ITPRIPL1: variants seen among roughly 807,000 people sequenced by gnomAD.
The protein encoded by ITPRIPL1 is inositol 1,4,5-trisphosphate receptor-interacting protein-like 1.
A neutral mutation model predicts 40.0 loss-of-function variants in ITPRIPL1; 28 were observed. The ratio of observed to expected loss-of-function variants is 0.70; its 90% CI spans 0.52 to 0.96. The LOEUF (loss-of-function observed/expected upper bound fraction) is 0.96. Among genes scored for constraint, ITPRIPL1 ranks in the 40% least tolerant of loss-of-function variants. ITPRIPL1 has a pLI of 0.00. For missense variants in ITPRIPL1, 638 were observed against 698.0 expected, an observed-to-expected ratio of 0.91 and a Z score of 0.97; for synonymous variants, 251 against 275.7, an observed-to-expected ratio of 0.91 and a Z score of 0.89.
intron 2 of ITPRIPL1, 92 bp downstream of exon 2, chr2:96,325,941 G>C (rs1315250328): frequency 7.0e-6 from 10 of 1,431,902 alleles, no homozygotes; most frequent in South Asian, 1.1e-5. Context: ...ACTGCCGGCT[G>C]TCAGGTAGGC....
chr2:96,328,050 G>A lies in ITPRIPL1; in HGVS notation c.1419G>A (p.Arg473=). 1 of 1,614,148 alleles carries A rather than the reference G, an allele frequency of 6.2e-7. No individual in the cohort carries two copies. The highest frequency in any genetic ancestry group is 8.5e-7 in the Non-Finnish European group (1 of 1,180,030). The change falls in exon 3 of 3, where the codon CGG becomes CGA. Residue 473 remains arginine, a synonymous_variant. Coordinates refer to ENST00000439118, the MANE Select transcript of ITPRIPL1 (RefSeq NM_001008949.3). ...GGGCCCACAACATGCTCTCTCAGCG[G>A]CTCCAGGACATTCTCTGGTTCTTGG... ...TDWAHNMLSQ[R]LQDILWFLGR... is the part of the protein sequence containing the mutation.
Position 96,327,160 on chromosome 2 carries a change from C to CA in ITPRIPL1, c.533dup (p.Asn178LysfsTer5), listed in dbSNP as rs753025808. On this transcript the variant is annotated frameshift_variant, in exon 3 of 3. Coordinates refer to ENST00000439118, the MANE Select transcript of ITPRIPL1 (RefSeq NM_001008949.3). LOFTEE classifies it high-confidence loss of function. ...GGACTCCTTTTACAAACACTATGTC[C>CA]AAAATGCCATCCGTGACCTGCCCTG... The CA allele has an allele frequency of 2.5e-6, 4 of 1,614,058 alleles. No homozygotes were observed. Among genetic ancestry groups the CA allele is most frequent in the Non-Finnish European group, 3.4e-6 (4 of 1,180,036 alleles).
intron 2 of ITPRIPL1, chr2:96,326,236 CT>C (rs2064105222): frequency 6.9e-7 from 1 of 1,439,068 alleles, no homozygotes; most frequent in Admixed American, 2.1e-5. Context: ...AGGTTCAGGG[CT>C]TTCTGGCTAT....
chr2:96,325,529 C>T lies in ITPRIPL1; in HGVS notation c.-130C>T, dbSNP rs1229067813. ...AAAAAGCAGTGGCGGTCAGGCCGCG[C>T]TGTCTCTTTAAGATCGTGTTCCTAC... On this transcript the variant is annotated 5_prime_UTR_variant, in exon 1 of 3. Coordinates refer to ENST00000439118, the MANE Select transcript of ITPRIPL1 (RefSeq NM_001008949.3). The T allele has an allele frequency of 8.3e-6, 4 of 481,812 alleles. No homozygotes were observed. The highest frequency in any genetic ancestry group is 3.6e-5 in the Admixed American group (1 of 28,000). 29.8% of individuals were successfully genotyped at this position (481,812 alleles called of 1,614,324 possible).
chr2:96,326,563 C>T, intron 2 of ITPRIPL1, 79 bp from the exon 3 acceptor site: 1 of 1,592,562 alleles, frequency 6.3e-7, no homozygotes, highest in South Asian at 1.1e-5. Flanking sequence ...TTTGGGGTAC[C>T]AGGGCTCTGG....
Position 96,327,281 on chromosome 2 carries a change from T to C in ITPRIPL1, c.650T>C (p.Leu217Pro), listed in dbSNP as rs2064119830. The C allele has an allele frequency of 6.2e-7, 1 of 1,614,166 alleles. No homozygotes were observed. The highest frequency in any genetic ancestry group is 1.3e-5 in the African/African-American group (1 of 75,046). Reference sequence around the variant, plus strand: ...GCTCACCCACAATTGGAAGACTGCCTGGGCATCGGGGCTGCCTTTGAGAAA... The same window carrying C: ...GCTCACCCACAATTGGAAGACTGCCCGGGCATCGGGGCTGCCTTTGAGAAA... ...QEAHPQLEDC[L>P]GIGAAFEKWG... The change falls in exon 3 of 3, where the codon CTG (leucine) becomes CCG (proline). Residue 217 changes from leucine to proline, a missense_variant. Leu to Pro is a moderately conservative substitution (Grantham distance 98). Transcript: ENST00000439118.
rs2064129810 is a variant in ITPRIPL1 at position 96,327,840 on chromosome 2, C to G, written c.1209C>G (p.His403Gln). The change falls in exon 3 of 3, where the codon CAC becomes CAG. Residue 403 changes from histidine to glutamine, a missense_variant. His to Gln is a conservative substitution (Grantham distance 24, BLOSUM62 0). Coordinates refer to ENST00000439118, the MANE Select transcript of ITPRIPL1 (RefSeq NM_001008949.3). Reference protein sequence around the residue: ...DWPESFVACEHLFLKLVGRFA... With the variant: ...DWPESFVACEQLFLKLVGRFA... Reference sequence around the variant, plus strand: ...CTGAGTCCTTTGTGGCCTGTGAGCACCTGTTCCTGAAGCTGGTGGGGCGCT... The same window carrying G: ...CTGAGTCCTTTGTGGCCTGTGAGCAGCTGTTCCTGAAGCTGGTGGGGCGCT... 1.9e-6 allele frequency: 3 copies of G among 1,614,038 alleles called. No homozygotes were observed. The highest frequency in any genetic ancestry group is 2.5e-6 in the Non-Finnish European group (3 of 1,180,040).
rs750561164 is a variant in ITPRIPL1 at position 96,327,786 on chromosome 2, C to T, written c.1155C>T (p.Asp385=). ...TCTACCTGGTGAGTCAGGCTCCTGA[C>T]CAGGAGCAGCTCACCAGTGTGGACT... The part of the protein sequence containing the change: ...TLVYLVSQAP[D]QEQLTSVDWP... Residue 385 remains aspartate (D), a synonymous_variant, in exon 3 of 3, where the codon GAC becomes GAT. Coordinates refer to ENST00000439118, the MANE Select transcript of ITPRIPL1 (RefSeq NM_001008949.3). The T allele has an allele frequency of 6.2e-7, 1 of 1,614,174 alleles. No homozygotes were observed. Among genetic ancestry groups the T allele is most frequent in the East Asian group, 2.2e-5 (1 of 44,880 alleles).
At position 96,328,048 on chromosome 2, in the gene ITPRIPL1, C is replaced by A. The variant is rs755732616; in HGVS notation, c.1417C>A (p.Arg473=). The change falls in exon 3 of 3, where the codon CGG becomes AGG. Residue 473 remains arginine, a synonymous_variant. Transcript: ENST00000439118. ...TDWAHNMLSQ[R]LQDILWFLGR... ...CTGGGCCCACAACATGCTCTCTCAG[C>A]GGCTCCAGGACATTCTCTGGTTCTT... 2 of 1,614,044 alleles carry A rather than the reference C, an allele frequency of 1.2e-6. No homozygotes were observed. Among genetic ancestry groups the A allele is most frequent in the African/African-American group, 2.7e-5 (2 of 74,910 alleles).
Position 96,325,590 on chromosome 2 carries a change from G to A in ITPRIPL1, c.-94+25G>A, listed in dbSNP as rs1014499275. The A allele has an allele frequency of 7.7e-5, 45 of 586,598 alleles. No individual in the cohort carries two copies. In the African/African-American group the frequency reaches 8.0e-4, roughly 10 times the overall value. The allele number at this position is 586,598 out of a possible 1,614,324, so 36.3% of individuals were successfully genotyped here. ...GGTGAGTAACCTGGCCCTGGGTCCCGGGAGACATCCCGAGGTAGGATGGGC... is the reference window on the plus strand; with the variant it reads ...GGTGAGTAACCTGGCCCTGGGTCCCAGGAGACATCCCGAGGTAGGATGGGC... On this transcript the variant is annotated intron_variant, in intron 1 of 2. Coordinates refer to ENST00000439118, the MANE Select transcript of ITPRIPL1 (RefSeq NM_001008949.3).
intron 2 of ITPRIPL1, 46 bp downstream of exon 2, chr2:96,325,895 G>A (rs2064101948): frequency 6.2e-7 from 1 of 1,608,702 alleles, no homozygotes; most frequent in African/African-American, 1.3e-5. Flanking sequence ...AGAAGCTCGG[G>A]CTTCACGGGT....
downstream of ITPRIPL1, chr2:96,329,192 T>TATA (rs2064144232): frequency 8.2e-6 from 1 of 122,254 alleles, no homozygotes. Flanking sequence ...TATATATATA[T>TATA]ATCTCCAAGA....
At position 96,327,857 on chromosome 2, in the gene ITPRIPL1, T is replaced by C. The variant is rs1300313506; in HGVS notation, c.1226T>C (p.Val409Ala). The change falls in exon 3 of 3, where the codon GTG becomes GCG. Residue 409 changes from valine to alanine, a missense_variant. Physicochemically the swap from Val to Ala is moderately conservative, Grantham distance 64. Coordinates refer to ENST00000439118, the MANE Select transcript of ITPRIPL1 (RefSeq NM_001008949.3). The part of the protein sequence containing the change: ...VACEHLFLKL[V>A]GRFAPENTCH... ...TGTGAGCACCTGTTCCTGAAGCTGG[T>C]GGGGCGCTTTGCCCCCGAGAACACC... is the stretch of plus-strand genomic sequence containing the variant. The C allele has an allele frequency of 6.2e-7, 1 of 1,614,006 alleles. No homozygotes were observed. Among genetic ancestry groups the C allele is most frequent in the African/African-American group, 1.3e-5 (1 of 74,910 alleles).
In ITPRIPL1 at chr2:96,327,090, C is replaced by T. The variant is rs1423589374; in HGVS notation, c.459C>T (p.Val153=). The T allele has an allele frequency of 9.3e-6, 15 of 1,614,192 alleles. No homozygotes were observed. Among genetic ancestry groups the T allele is most frequent in the African/African-American group, 1.3e-5 (1 of 75,054 alleles). The change falls in exon 3 of 3, where the codon GTC becomes GTT. Residue 153 remains valine, a synonymous_variant. Transcript: ENST00000439118. ...AGGAGGAAGTCCGTGTTGTCCCTGT[C>T]ACCTCTTACAACTGGCTTACTGACT... ...EEEEEVRVVP[V]TSYNWLTDFP... is the part of the protein sequence containing the mutation.
At chr2:96,329,556 GTA>G (rs1452730822), downstream of ITPRIPL1, 17 of 95,856 alleles carry the variant, frequency 1.8e-4, no homozygotes, top group South Asian at 6.8e-3. Flanking sequence ...TGCCTCCTTT[GTA>G]TTTTTTTTTT....
At position 96,327,437 on chromosome 2, in the gene ITPRIPL1, CAG is replaced by C; in HGVS notation, c.808_809del (p.Glu270MetfsTer6). The C allele has an allele frequency of 4.3e-6, 7 of 1,613,998 alleles. No homozygotes were observed. Among genetic ancestry groups the C allele is most frequent in the Non-Finnish European group, 5.9e-6 (7 of 1,179,950 alleles). On this transcript the variant is annotated frameshift_variant, in exon 3 of 3. Transcript: ENST00000439118. LOFTEE classifies it high-confidence loss of function. ...CGCTGTGGCTGTGTGCTGGTGGAGT[CAG>C]AATGTGTGTGCAAGCGTGAGAAACT...
chr2:96,329,172 T>A (rs1018656834), downstream of ITPRIPL1: 1 of 131,874 alleles, frequency 7.6e-6, no homozygotes, highest in Non-Finnish European at 1.7e-5. Flanking sequence ...TATATATATA[T>A]ATATATATAT....
In ITPRIPL1 at chr2:96,326,824, G is replaced by C. The variant is rs114255756; in HGVS notation, c.193G>C (p.Ala65Pro). 1 of 1,614,206 alleles carries C rather than the reference G, an allele frequency of 6.2e-7. No homozygotes were observed. Among genetic ancestry groups the C allele is most frequent in the African/African-American group, 1.3e-5 (1 of 75,066 alleles). ...GATGGAGTTTGAAGAGAGAAAGCGA[G>C]CCGCTGAGCAGAGGCAGAAGGCAGA... ...LEMEFEERKR[A>P]AEQRQKAENF... Residue 65 changes from alanine to proline, a missense_variant, in exon 3 of 3, where the codon GCC becomes CCC. By Grantham distance (27) the Ala-to-Pro change is conservative. Transcript: ENST00000439118.
chr2:96,329,149 T>TTATATATATATA (rs57173953), downstream of ITPRIPL1: 7 of 85,196 alleles, frequency 8.2e-5, no homozygotes, highest in East Asian at 4.4e-4. Context: ...AAAAAAAAAA[T>TTATATATATATA]TATATATATA....
Sources: gnomAD v4.1 joint callset for allele counts on GRCh38, gnomAD v4.1.1 for gene constraint, MANE v1.5 for transcripts, NCBI Gene and HGNC (gene_info 2026-07-23, HGNC 2026-07-21) for gene names.